The following ACKR2 variants were observed in gnomAD, a reference collection of about 807,000 sequenced individuals.
ACKR2 encodes the protein C-C chemokine receptor D6.
For synonymous variants in ACKR2, 207 were observed against 192.2 expected, an observed-to-expected ratio of 1.08 and a Z score of -0.64; for missense variants, 457 against 477.3, an observed-to-expected ratio of 0.96 and a Z score of 0.40.
chr3:42,813,163 A>C (rs1700713336), intron 1 of ACKR2, among the ~76,000 whole-genome samples: 1 of 152,240 alleles, frequency 6.6e-6, no homozygotes, highest in Non-Finnish European at 1.5e-5. Flanking sequence ...AACGAAAGCA[A>C]GATAATTTGC....
intron 2 of ACKR2, among the ~76,000 whole-genome samples, chr3:42,826,809 G>A (rs187701522): frequency 1.3e-5 from 2 of 152,178 alleles, no homozygotes; most frequent in Admixed American, 1.3e-4. Flanking sequence ...CAGAATCATA[G>A]GCGAAAAGTT....
chr3:42,855,401 C>A (rs2088304005), intron 2 of ACKR2, among the ~76,000 whole-genome samples: 1 of 152,190 alleles, frequency 6.6e-6, no homozygotes, highest in Non-Finnish European at 1.5e-5. Context: ...GTCTGGCCAG[C>A]TGTAACATGC....
At chr3:42,859,901 C>T (rs1158901816) in intron 2 of ACKR2, among the ~76,000 whole-genome samples, 4 of 151,958 alleles carry the variant, frequency 2.6e-5, no homozygotes, top group South Asian at 2.1e-4. Flanking sequence ...TTGTAAAGAC[C>T]ATTGACACTA....
intron 2 of ACKR2, among the ~76,000 whole-genome samples, chr3:42,842,627 A>G (rs999857242): frequency 4.6e-5 from 7 of 152,204 alleles, no homozygotes; most frequent in Non-Finnish European, 8.8e-5. Context: ...TCCACACCCA[A>G]TTCATTTCTG....
At chr3:42,835,903 G>A (rs551205609) in intron 2 of ACKR2, 4 of 152,066 alleles carry the variant, frequency 2.6e-5, no homozygotes, top group African/African-American at 4.8e-5. Context: ...CTGCCCACCC[G>A]AGCCTGGGCA....
At chr3:42,851,428 A>G (rs1276369749) in intron 2 of ACKR2, 6 of 985,364 alleles carry the variant, frequency 6.1e-6, no homozygotes, top group Non-Finnish European at 6.0e-6. Context: ...TGTGGTGGAC[A>G]TTCTCAAGCA....
At position 42,865,645 on chromosome 3, in the gene ACKR2, T is replaced by G. The variant is rs761741956; in HGVS notation, c.1143T>G (p.Asn381Lys). 1.2e-6 allele frequency: 2 copies of G among 1,607,306 alleles called. No homozygotes were observed. Among genetic ancestry groups the G allele is most frequent in the African/African-American group, 2.7e-5 (2 of 74,812 alleles). Residue 381 changes from asparagine to lysine, a missense_variant, in exon 3 of 3, where the codon AAT (asparagine) becomes AAG (lysine). Coordinates refer to ENST00000422265, the MANE Select transcript of ACKR2 (RefSeq NM_001296.5). ...ENYPNKEDVG[N>K]KSA ...ACCCTAACAAGGAGGATGTGGGGAA[T>G]AAATCAGCCTGAGTGACCAAATTTT...
intron 2 of ACKR2, among the ~76,000 whole-genome samples, chr3:42,860,545 T>G (rs887203954): frequency 2.0e-5 from 3 of 152,176 alleles, no homozygotes; most frequent in African/African-American, 7.2e-5. Flanking sequence ...CAACAGAATA[T>G]ACATTCTTCT....
At chr3:42,862,436 C>T (rs2088393871) in intron 2 of ACKR2, among the ~76,000 whole-genome samples, 1 of 152,102 alleles carries the variant, frequency 6.6e-6, no homozygotes. Flanking sequence ...CCATACTGCC[C>T]AAAGTGATTT....
intron 2 of ACKR2, chr3:42,839,175 A>G (rs1184146163): frequency 6.6e-6 from 1 of 151,996 alleles, no homozygotes; most frequent in African/African-American, 2.4e-5. Context: ...GGGATCCTTC[A>G]TCCTGGACGC....
In ACKR2 at chr3:42,866,343, A is replaced by G. The variant is rs931882067; in HGVS notation, c.*686A>G. ...ATGCGCGTGCCACCACGCACAGCTAATTTTTATAATTTTAGTAGAGATGGG... is the reference window on the plus strand; with the variant it reads ...ATGCGCGTGCCACCACGCACAGCTAGTTTTTATAATTTTAGTAGAGATGGG... On this transcript the variant is annotated 3_prime_UTR_variant, in exon 3 of 3. Coordinates refer to ENST00000422265, the MANE Select transcript of ACKR2 (RefSeq NM_001296.5). 3 of 151,874 alleles carry G rather than the reference A, an allele frequency of 2.0e-5. No homozygotes were observed. The highest frequency in any genetic ancestry group is 7.3e-5 in the African/African-American group (3 of 41,286). The allele number at this position is 151,874 out of a possible 1,614,324, so 9.4% of individuals were successfully genotyped here. A position where few individuals can be genotyped will look rare whatever the true frequency, so the allele number is the denominator to read the frequency against.
intron 2 of ACKR2, among the ~76,000 whole-genome samples, chr3:42,845,300 C>T (rs1701082216): frequency 6.6e-6 from 1 of 152,194 alleles, no homozygotes; most frequent in African/African-American, 2.4e-5. Context: ...AATTCAAAGA[C>T]CCTTCCTGAG....
In ACKR2 at chr3:42,852,148, T is replaced by C. The variant is rs1336640722; in HGVS notation, c.-37-12318T>C. Among the ~76,000 whole-genome samples the C allele has an allele frequency of 6.6e-6, 1 of 152,202 alleles. No individual in the cohort carries two copies. The highest frequency in any genetic ancestry group is 1.5e-5 in the Non-Finnish European group (1 of 68,040). On this transcript the variant is annotated intron_variant, in intron 2 of 2. Transcript: ENST00000422265. The surrounding 1 kb of genome is among the most constrained non-coding windows in gnomAD (Gnocchi z 4.3). ...AGAGGTTAAATAATGAGCTCGGAGT[T>C]GCACAGCCATTAAGAAGTGAGTTAA...
chr3:42,865,637 G>A lies in ACKR2; in HGVS notation c.1135G>A (p.Val379Met). The A allele has an allele frequency of 1.2e-6, 2 of 1,611,334 alleles. No homozygotes were observed. The highest frequency in any genetic ancestry group is 2.2e-5 in the South Asian group (2 of 90,586). The change falls in exon 3 of 3, where the codon GTG becomes ATG. Residue 379 changes from valine to methionine, a missense_variant. Transcript: ENST00000422265. ...QSENYPNKED[V>M]GNKSA Reference sequence around the variant, plus strand: ...TGAGAACTACCCTAACAAGGAGGATGTGGGGAATAAATCAGCCTGAGTGAC... The same window carrying A: ...TGAGAACTACCCTAACAAGGAGGATATGGGGAATAAATCAGCCTGAGTGAC...
At chr3:42,853,081 G>A (rs1055934399) in intron 2 of ACKR2, among the ~76,000 whole-genome samples, 3 of 152,190 alleles carry the variant, frequency 2.0e-5, no homozygotes, top group African/African-American at 7.2e-5. Flanking sequence ...CCCTGTGTAA[G>A]TGTCAGGGCT....
chr3:42,828,266 C>T (rs146555503), intron 2 of ACKR2, among the ~76,000 whole-genome samples: 2,586 of 151,842 alleles, frequency 0.017, 56 homozygotes, highest in African/African-American at 0.058. Flanking sequence ...CCTGCCACCA[C>T]GCCCAGCTGA....
chr3:42,826,179 C>G (rs1185991320), intron 2 of ACKR2, among the ~76,000 whole-genome samples: 3 of 151,956 alleles, frequency 2.0e-5, no homozygotes, highest in Non-Finnish European at 4.4e-5. Context: ...GTCTGAGAAT[C>G]TATATATGGT....
At chr3:42,858,995 G>A (rs553667022) in intron 2 of ACKR2, among the ~76,000 whole-genome samples, 4 of 151,980 alleles carry the variant, frequency 2.6e-5, no homozygotes, top group East Asian at 1.9e-4. Flanking sequence ...ATAAAGGAAC[G>A]AACAAAGCCT....
intron 1 of ACKR2, among the ~76,000 whole-genome samples, chr3:42,812,615 C>T (rs972238999): frequency 1.5e-4 from 23 of 149,896 alleles, no homozygotes; most frequent in African/African-American, 5.7e-4. Flanking sequence ...GGAATCAGAC[C>T]TCTTAGTATT....
Sources: allele counts gnomAD v4.1 joint callset (sites outside exome capture counted in the v4.1 genomes callset), GRCh38; gene constraint gnomAD v4.1.1; non-coding constraint Gnocchi (gnomAD v3.1); transcripts MANE v1.5; gene names NCBI Gene and HGNC (gene_info 2026-07-23, HGNC 2026-07-21).